The following ANO4 variants were observed in gnomAD, a reference collection of about 807,000 sequenced individuals.
ANO4 encodes the protein anoctamin-4.
A neutral mutation model predicts 141.9 loss-of-function variants in ANO4; 69 were observed. The observed-to-expected ratio is 0.49, with a 90% CI of 0.40 to 0.59. The LOEUF is 0.59. Ranked by LOEUF, ANO4 falls within the 20% of genes least tolerant of loss-of-function variation. The pLI is 0.00. For missense variants in ANO4, 894 were observed against 1,162.2 expected, an observed-to-expected ratio of 0.77 and a Z score of 3.36; for synonymous variants, 350 against 394.3, an observed-to-expected ratio of 0.89 and a Z score of 1.33.
intron 1 of ANO4, among the ~76,000 whole-genome samples, chr12:100,840,120 C>CAAA (rs34299104): frequency 2.9e-5 from 2 of 69,794 alleles, no homozygotes; most frequent in African/African-American, 5.0e-5. Flanking sequence ...GTCCTTAAAC[C>CAAA]AAAAATAATA....
At chr12:100,927,718 C>T (rs1049085232) in intron 3 of ANO4, among the ~76,000 whole-genome samples, 1 of 152,068 alleles carries the variant, frequency 6.6e-6, no homozygotes, top group Non-Finnish European at 1.5e-5. Flanking sequence ...TTTTAGAGAC[C>T]ATTCATCCCC....
At chr12:101,066,818 C>A in intron 14 of ANO4, 1 of 1,404,070 alleles carries the variant, frequency 7.1e-7, no homozygotes. Context: ...GAATGTTGAT[C>A]CCTCACTTCA....
At chr12:101,090,693 T>G (rs757879280) in intron 17 of ANO4, among the ~76,000 whole-genome samples, 2 of 151,870 alleles carry the variant, frequency 1.3e-5, no homozygotes, top group African/African-American at 2.4e-5. Context: ...CACATGTATA[T>G]ATATGTAGCA....
intron 1 of ANO4, among the ~76,000 whole-genome samples, chr12:100,856,934 T>G (rs1403236201): frequency 6.6e-6 from 1 of 152,076 alleles, no homozygotes; most frequent in Non-Finnish European, 1.5e-5. Context: ...TGACTGGATG[T>G]GGGAGTAAGG....
chr12:100,757,011 C>T (rs1257040468), intron 3 of ANO4, among the ~76,000 whole-genome samples: 3 of 152,154 alleles, frequency 2.0e-5, no homozygotes, highest in Non-Finnish European at 2.9e-5. Flanking sequence ...AGCCAAAAAT[C>T]GTCCTGTTGC....
chr12:101,126,786 C>G, intron 26 of ANO4, 93 bp from the exon 27 acceptor site: 1 of 1,198,190 alleles, frequency 8.3e-7, no homozygotes, highest in Non-Finnish European at 1.2e-6. Flanking sequence ...TCTCCACATA[C>G]CCCAGAGGGT....
intron 3 of ANO4, among the ~76,000 whole-genome samples, chr12:100,761,679 T>C (rs2135527062): frequency 6.6e-6 from 1 of 152,290 alleles, no homozygotes; most frequent in East Asian, 1.9e-4. Flanking sequence ...CACAAACTGT[T>C]TAGGCACAGT....
At chr12:100,974,731 T>G in intron 6 of ANO4, 114 bp from the exon 7 acceptor site, 2 of 1,165,062 alleles carry the variant, frequency 1.7e-6, no homozygotes, top group Non-Finnish European at 2.6e-6. Flanking sequence ...TAGTTTTTTC[T>G]TCTTCACCTC....
intron 3 of ANO4, among the ~76,000 whole-genome samples, chr12:100,752,466 A>C (rs1176578315): frequency 1.3e-5 from 2 of 152,156 alleles, no homozygotes; most frequent in Non-Finnish European, 2.9e-5. Flanking sequence ...TCTGTTCCCC[A>C]AAAACAACAA....
chr12:100,893,818 G>T (rs1324829540), intron 1 of ANO4, among the ~76,000 whole-genome samples: 2 of 152,072 alleles, frequency 1.3e-5, no homozygotes, highest in East Asian at 3.9e-4. Context: ...GTCGCAGGGG[G>T]ATTAAAAGGG....
At chr12:100,809,711 T>C (rs1191371087) in intron 1 of ANO4, among the ~76,000 whole-genome samples, 1 of 152,218 alleles carries the variant, frequency 6.6e-6, no homozygotes. Flanking sequence ...CGCAAGAGGT[T>C]GTGCTATATT....
chr12:100,997,102 G>A (rs769782230), intron 8 of ANO4, among the ~76,000 whole-genome samples: 17 of 152,038 alleles, frequency 1.1e-4, no homozygotes, highest in Non-Finnish European at 2.2e-4. Flanking sequence ...TTGGGAGGCC[G>A]AGGCAGGCGG....
rs527340746 is a variant in ANO4 at position 100,776,255 on chromosome 12, T to C, written c.358+36150T>C. Among the ~76,000 whole-genome samples the C allele has an allele frequency of 2.0e-5, 3 of 152,284 alleles. No individual in the cohort carries two copies. In the East Asian group the frequency reaches 5.8e-4, roughly 29 times the overall value. Reference sequence around the variant, plus strand: ...ACGCTTGCTCTGGGCTTGTCCTATGTCCTGGATGCCCAGGTTCCCCAGCCT... The same window carrying C: ...ACGCTTGCTCTGGGCTTGTCCTATGCCCTGGATGCCCAGGTTCCCCAGCCT... On this transcript the variant is annotated intron_variant, in intron 3 of 29. Transcript: ENST00000644049.
At chr12:100,823,859 G>T (rs1335450329) in intron 1 of ANO4, among the ~76,000 whole-genome samples, 1 of 151,984 alleles carries the variant, frequency 6.6e-6, no homozygotes, top group Non-Finnish European at 1.5e-5. Flanking sequence ...TGTATTTGAT[G>T]AAATGGGTAG....
chr12:100,822,139 C>G (rs931511849), intron 1 of ANO4, among the ~76,000 whole-genome samples: 1 of 151,936 alleles, frequency 6.6e-6, no homozygotes, highest in Non-Finnish European at 1.5e-5. Context: ...AGAAACAGCT[C>G]AAGAGATGTG....
Position 101,013,832 on chromosome 12 carries a change from C to T in ANO4, c.735-6202C>T, listed in dbSNP as rs187361760. On this transcript the variant is annotated intron_variant, in intron 8 of 27. Coordinates refer to ENST00000392977, the MANE Select transcript of ANO4 (RefSeq NM_001286615.2). ...CTGGAGTCTAGATTAATCTAATGTTCCCTTCAGTTATATTAATTTGTGAAG... is the reference window on the plus strand; with the variant it reads ...CTGGAGTCTAGATTAATCTAATGTTTCCTTCAGTTATATTAATTTGTGAAG... Among the ~76,000 whole-genome samples, 257 of 152,216 alleles carry T rather than the reference C, an allele frequency of 1.7e-3. 3 individuals carry two copies. The South Asian group carries it at 0.024, about 14-fold the overall frequency.
At chr12:101,016,626 G>T (rs1189935296) in intron 8 of ANO4, among the ~76,000 whole-genome samples, 1 of 152,178 alleles carries the variant, frequency 6.6e-6, no homozygotes, top group Non-Finnish European at 1.5e-5. Context: ...TTTATCATGT[G>T]CTAAGCCCTT....
In ANO4 at chr12:101,106,575, A is replaced by G. The variant is rs866578442; in HGVS notation, c.2150-3829A>G. Among the ~76,000 whole-genome samples the G allele has an allele frequency of 4.6e-3, 623 of 136,736 alleles. 4 individuals carry two copies. Among genetic ancestry groups the G allele is most frequent in the African/African-American group, 0.016 (518 of 33,258 alleles). 89.7% of individuals were successfully genotyped at this position (136,736 alleles called of 152,430 possible). On this transcript the variant is annotated intron_variant, in intron 22 of 27. Transcript: ENST00000392977. ...TGGATATTCATGTGTGTGTGTGTGT[A>G]TATATATATATATATATATAAATGA...
intron 8 of ANO4, among the ~76,000 whole-genome samples, chr12:101,010,826 G>A (rs1415456669): frequency 6.6e-6 from 1 of 152,118 alleles, no homozygotes; most frequent in African/African-American, 2.4e-5. Flanking sequence ...TGGTATGTTG[G>A]TTATCTATTG....
Sources: gnomAD v4.1 joint callset for allele counts (sites outside exome capture counted in the v4.1 genomes callset) on GRCh38, gnomAD v4.1.1 for gene constraint, MANE v1.5 for transcripts, NCBI Gene and HGNC (gene_info 2026-07-23, HGNC 2026-07-21) for gene names.